The following UNC80 variants were observed in gnomAD, a reference collection of about 807,000 sequenced individuals.
The protein encoded by UNC80 is protein unc-80 homolog.
In UNC80, 164 loss-of-function variants were observed where a neutral mutation model predicts 384.6. The observed-to-expected ratio is 0.43, with a 90% CI of 0.38 to 0.49. The LOEUF (loss-of-function observed/expected upper bound fraction) is 0.49. Among genes scored for constraint, UNC80 ranks in the 20% least tolerant of loss-of-function variants. The pLI, the probability that UNC80 is intolerant of heterozygous loss-of-function variation, is 0.00. For missense variants in UNC80, 3,330 were observed against 4,143.0 expected (o/e 0.80, Z 5.39); for synonymous variants, 1,486 against 1,527.8 (o/e 0.97, Z 0.64).
chr2:209,915,154 T>G (rs2089381016), intron 31 of UNC80, among the ~76,000 whole-genome samples: 1 of 151,770 alleles, frequency 6.6e-6, no homozygotes. Context: ...AGATGGTGTG[T>G]GCAAAACTGG....
chr2:209,793,842 A>G lies in UNC80; in HGVS notation c.921A>G (p.Arg307=), dbSNP rs1367360350. 1 of 1,614,078 alleles carries G rather than the reference A, an allele frequency of 6.2e-7. No homozygotes were observed. Among genetic ancestry groups the G allele is most frequent in the Non-Finnish European group, 8.5e-7 (1 of 1,180,032 alleles). ...GSLSSQTSQE[R]GPSHSRASLV... ...TGTCCTCCCAAACTTCCCAGGAAAGAGGCCCATCACATTCCAGGTACCTGA... is the reference window on the plus strand; with the variant it reads ...TGTCCTCCCAAACTTCCCAGGAAAGGGGCCCATCACATTCCAGGTACCTGA... Residue 307 remains arginine (R), a synonymous_variant, in exon 7 of 65, where the codon AGA becomes AGG. Transcript: ENST00000673920.
In UNC80 at chr2:209,829,900, G is replaced by A. The variant is rs142107189; in HGVS notation, c.2626+521G>A. Among the ~76,000 whole-genome samples, 335 of 152,286 alleles carry A rather than the reference G, an allele frequency of 2.2e-3. 1 individual carries two copies. Among genetic ancestry groups the A allele is most frequent in the Non-Finnish European group, 2.8e-3 (190 of 68,020 alleles). On this transcript the variant is annotated intron_variant, in intron 15 of 64. Coordinates refer to ENST00000673920, the MANE Select transcript of UNC80 (RefSeq NM_001371986.1). ...TTAATTTTTTTTAAAAAGGCAAATGGATGCACAGATAAACCTACAAGCTAT... is the reference window on the plus strand; with the variant it reads ...TTAATTTTTTTTAAAAAGGCAAATGAATGCACAGATAAACCTACAAGCTAT...
At chr2:209,991,160 G>T (rs554477030) in intron 61 of UNC80, among the ~76,000 whole-genome samples, 1 of 152,278 alleles carries the variant, frequency 6.6e-6, no homozygotes, top group African/African-American at 2.4e-5. Context: ...GCTGACTCTG[G>T]ATTCCTCTGT....
chr2:209,796,236 G>C (rs978056392), intron 7 of UNC80: 1 of 152,240 alleles, frequency 6.6e-6, no homozygotes, highest in Non-Finnish European at 1.5e-5. Flanking sequence ...CATGCCCCCT[G>C]TAGCCCCTTT....
At chr2:209,971,016 A>G (rs2092868580) in intron 54 of UNC80, 59 bp downstream of exon 54, 1 of 1,508,364 alleles carries the variant, frequency 6.6e-7, no homozygotes. Flanking sequence ...GCACCAGATC[A>G]TGGTGTTCTC....
intron 16 of UNC80, among the ~76,000 whole-genome samples, 175 bp from the exon 17 acceptor site, chr2:209,833,827 T>C (rs1338526330): frequency 6.6e-6 from 1 of 152,198 alleles, no homozygotes; most frequent in Non-Finnish European, 1.5e-5. Flanking sequence ...TGTTCTTCTA[T>C]AGGAACATTG....
chr2:209,843,064 C>G (rs1401538247), intron 21 of UNC80, among the ~76,000 whole-genome samples: 1 of 152,184 alleles, frequency 6.6e-6, no homozygotes, highest in Non-Finnish European at 1.5e-5. Context: ...TTTGATCTCA[C>G]TGCTGCTAGT....
At position 209,798,429 on chromosome 2, in the gene UNC80, A is replaced by G. The variant is rs147732864; in HGVS notation, c.938+4570A>G. ...TTACTGAATAGGAGATCTTTTCCCC[A>G]TTGCTTGTTTTTGTCAGGTTTGTCA... On this transcript the variant is annotated intron_variant, in intron 7 of 64. Transcript: ENST00000673920. 4.0e-3 allele frequency among the ~76,000 whole-genome samples: 611 copies of G among 152,224 alleles called. 6 individuals carry two copies. The highest frequency in any genetic ancestry group is 0.014 in the African/African-American group (575 of 41,538).
intron 28 of UNC80, among the ~76,000 whole-genome samples, chr2:209,904,428 A>G (rs562582615): frequency 6.6e-6 from 1 of 152,346 alleles, no homozygotes; most frequent in South Asian, 2.1e-4. Flanking sequence ...CTTCCCCAAT[A>G]TAAGAGCTGG....
Position 209,772,154 on chromosome 2 carries a change from C to T in UNC80, c.82C>T (p.Arg28Trp). ...IPLPIQTFLWRQTSAFLRPKL... is the reference protein window; with the variant it reads ...IPLPIQTFLWWQTSAFLRPKL... ...CCTGCCCATCCAGACCTTCCTGTGG[C>T]GGCAAACCAGGTGAGGGGCGCAGAG... The change falls in exon 1 of 65, where the codon CGG (arginine) becomes TGG (tryptophan). Residue 28 changes from arginine (R) to tryptophan (W), a missense_variant. Physicochemically the swap from Arg to Trp is moderately radical, Grantham distance 101. Transcript: ENST00000673920. The T allele has an allele frequency of 6.5e-7, 1 of 1,545,244 alleles. No homozygotes were observed. Among genetic ancestry groups the T allele is most frequent in the Non-Finnish European group, 8.7e-7 (1 of 1,144,650 alleles).
intron 29 of UNC80, among the ~76,000 whole-genome samples, chr2:209,907,601 C>G (rs2088403811): frequency 6.6e-6 from 1 of 152,120 alleles, no homozygotes; most frequent in Admixed American, 6.5e-5. Flanking sequence ...GGCTGGAGCA[C>G]AGAGGACTGT....
In UNC80 at chr2:209,839,352, T is replaced by C. The variant is rs1472833929; in HGVS notation, c.3172T>C (p.Ser1058Pro). 2 of 1,551,748 alleles carry C rather than the reference T, an allele frequency of 1.3e-6. No homozygotes were observed. The highest frequency in any genetic ancestry group is 1.7e-6 in the Non-Finnish European group (2 of 1,147,060). Reference protein sequence around the residue: ...QDTSECTTAHSGTTSDRRARS... With the variant: ...QDTSECTTAHPGTTSDRRARS... Reference sequence around the variant, plus strand: ...CACTTCAGAATGCACGACTGCCCACTCAGGGACCACCTCTGACCGACGTGC... The same window carrying C: ...CACTTCAGAATGCACGACTGCCCACCCAGGGACCACCTCTGACCGACGTGC... Residue 1058 changes from serine (S) to proline (P), a missense_variant, in exon 19 of 65, where the codon TCA becomes CCA. By Grantham distance (74) the Ser-to-Pro change is moderately conservative. This residue lies in a region of UNC80 where 801 missense variants were observed against 950.8 expected (regional missense o/e 0.84). Transcript: ENST00000673920. The surrounding 1 kb of genome is among the most constrained non-coding windows in gnomAD (Gnocchi z 4.1).
intron 36 of UNC80, 98 bp downstream of exon 36, chr2:209,927,084 A>G (rs2090492906): frequency 5.4e-6 from 7 of 1,294,174 alleles, no homozygotes; most frequent in Non-Finnish European, 7.5e-6. Flanking sequence ...TACTGGCCAC[A>G]TGTTGAACTG....
At chr2:209,877,080 A>G (rs933044841) in intron 23 of UNC80, among the ~76,000 whole-genome samples, 3 of 152,200 alleles carry the variant, frequency 2.0e-5, no homozygotes, top group Non-Finnish European at 4.4e-5. Flanking sequence ...TTAAACACAG[A>G]GTATCCAAAC....
rs554620466 is a variant in UNC80 at position 209,959,660 on chromosome 2, G to A, written c.7758G>A (p.Glu2586=). Residue 2586 remains glutamate (E), a synonymous_variant, in exon 51 of 65, where the codon GAG becomes GAA. Transcript: ENST00000673920. ...AGATCTTGCAAAATCTGGCTGGGGA[G>A]CCTCGGGTCATTGCCTTGGAACTGC... ...RLKILQNLAG[E]PRVIALELLD... 1.9e-6 allele frequency: 3 copies of A among 1,551,670 alleles called. No individual in the cohort carries two copies. The highest frequency in any genetic ancestry group is 2.6e-6 in the Non-Finnish European group (3 of 1,146,986).
chr2:209,836,082 A>G (rs568908734), intron 18 of UNC80, among the ~76,000 whole-genome samples: 37 of 111,428 alleles, frequency 3.3e-4, no homozygotes, highest in African/African-American at 1.1e-3. Flanking sequence ...CACTTAATCT[A>G]TATTTCATGA....
intron 21 of UNC80, among the ~76,000 whole-genome samples, chr2:209,844,505 T>C (rs1395592049): frequency 7.6e-6 from 1 of 131,546 alleles, no homozygotes; most frequent in Non-Finnish European, 1.6e-5. Context: ...CCTTCCTTCC[T>C]TCCTTCCTTC....
intron 61 of UNC80, 28 bp from the exon 62 acceptor site, chr2:209,992,138 G>T (rs1351643251): frequency 6.5e-7 from 1 of 1,546,902 alleles, no homozygotes; most frequent in Non-Finnish European, 8.7e-7. Context: ...TCTCTCCGGG[G>T]TACACTAACA....
chr2:209,929,278 A>G (rs2090666789), intron 36 of UNC80, among the ~76,000 whole-genome samples: 1 of 152,192 alleles, frequency 6.6e-6, no homozygotes, highest in Non-Finnish European at 1.5e-5. Context: ...CTTCTAGACA[A>G]TCTTAGCCTG....
Sources: allele counts gnomAD v4.1 joint callset (sites outside exome capture counted in the v4.1 genomes callset), GRCh38; gene constraint gnomAD v4.1.1; regional missense constraint gnomAD v4.1.1; non-coding constraint Gnocchi (gnomAD v3.1); transcripts MANE v1.5; gene names NCBI Gene and HGNC (gene_info 2026-07-23, HGNC 2026-07-21).